LRP1B: variants seen among roughly 807,000 people sequenced by gnomAD.
LRP1B encodes LDL receptor related protein 1B.
Under a neutral mutation model 556.6 loss-of-function variants are expected in LRP1B, and 217 were observed. That is an observed-to-expected ratio of 0.39 (90% CI 0.35 to 0.44). The LOEUF (loss-of-function observed/expected upper bound fraction) is 0.44. LRP1B is among the 20% of genes least tolerant of loss of function. The probability of loss-of-function intolerance (pLI) is 1.00; values close to 1 mark genes in which losing one functional copy is unlikely to be tolerated. For synonymous variants in LRP1B, 2,047 were observed against 1,865.8 expected (o/e 1.10, Z -2.50); for missense variants, 5,053 against 5,620.8 (o/e 0.90, Z 3.23).
In LRP1B at chr2:140,430,038, G is replaced by A. The variant is rs184208666; in HGVS notation, c.10414+12466C>T. ...TACCACACCTGACCCCCATGACTGC[G>A]TCTCTCTGACACACCTGAAATTCAC... On this transcript the variant is annotated intron_variant, in intron 66 of 90. Coordinates refer to ENST00000389484, the MANE Select transcript of LRP1B (RefSeq NM_018557.3). Among the ~76,000 whole-genome samples, 856 of 152,062 alleles carry A rather than the reference G, an allele frequency of 5.6e-3. 8 individuals are homozygous for A. Among genetic ancestry groups the A allele is most frequent in the Middle Eastern group, 0.037 (11 of 294 alleles).
At chr2:140,995,238 A>G (rs901349518) in intron 15 of LRP1B, among the ~76,000 whole-genome samples, 17 of 152,072 alleles carry the variant, frequency 1.1e-4, no homozygotes, top group African/African-American at 3.6e-4. Context: ...TTGCAAAACA[A>G]CATGCAACAT....
intron 1 of LRP1B, among the ~76,000 whole-genome samples, chr2:142,040,835 T>C (rs766546553): frequency 1.5e-4 from 22 of 151,256 alleles, no homozygotes; most frequent in Non-Finnish European, 1.6e-4. Flanking sequence ...TCAAAATGGA[T>C]TGACTTGCAT....
intron 1 of LRP1B, among the ~76,000 whole-genome samples, chr2:141,822,138 G>C (rs1162367554): frequency 1.3e-5 from 2 of 149,410 alleles, no homozygotes; most frequent in East Asian, 2.0e-4. Context: ...CACAGAGAGA[G>C]AGAGAGAGAG....
intron 12 of LRP1B, among the ~76,000 whole-genome samples, chr2:141,017,833 A>C (rs1053027130): frequency 4.0e-5 from 6 of 151,494 alleles, no homozygotes; most frequent in African/African-American, 1.5e-4. Flanking sequence ...CATCTCTACA[A>C]AAAAAATACA....
chr2:142,084,529 C>G (rs984292350), intron 1 of LRP1B, among the ~76,000 whole-genome samples: 2 of 152,170 alleles, frequency 1.3e-5, no homozygotes, highest in Non-Finnish European at 2.9e-5. Flanking sequence ...TTCACACCCA[C>G]CTCTCCAACT....
chr2:141,649,427 A>G (rs1448687466), intron 2 of LRP1B, among the ~76,000 whole-genome samples: 1 of 152,204 alleles, frequency 6.6e-6, no homozygotes, highest in Non-Finnish European at 1.5e-5. Flanking sequence ...CATTTACCAT[A>G]CCTTATTATC....
chr2:140,849,092 C>T (rs1484082206), intron 29 of LRP1B, among the ~76,000 whole-genome samples: 1 of 150,852 alleles, frequency 6.6e-6, no homozygotes, highest in South Asian at 2.1e-4. Context: ...CATGGTGGCT[C>T]ACAGCTGTAA....
chr2:140,597,756 A>T (rs1016590930), intron 43 of LRP1B, among the ~76,000 whole-genome samples: 2 of 152,166 alleles, frequency 1.3e-5, no homozygotes, highest in Non-Finnish European at 2.9e-5. Context: ...ATTCATTTAT[A>T]TATTCTCTAT....
chr2:140,393,737 A>T (rs1202885960), intron 66 of LRP1B, among the ~76,000 whole-genome samples: 1 of 152,172 alleles, frequency 6.6e-6, no homozygotes, highest in Non-Finnish European at 1.5e-5. Context: ...AGCTTCAATC[A>T]TGGCAGCTCC....
chr2:142,027,673 A>AATAC (rs5834893), intron 1 of LRP1B, among the ~76,000 whole-genome samples: 1 of 146,756 alleles, frequency 6.8e-6, no homozygotes, highest in African/African-American at 2.5e-5. Context: ...AAAAGATTAA[A>AATAC]ACACACACAC....
chr2:141,663,963 T>C (rs1690325546), intron 2 of LRP1B, among the ~76,000 whole-genome samples: 1 of 150,070 alleles, frequency 6.7e-6, no homozygotes. Context: ...CAGGCTATTA[T>C]CCCTGATGAA....
intron 1 of LRP1B, among the ~76,000 whole-genome samples, chr2:141,961,207 A>G (rs1458245848): frequency 2.0e-5 from 3 of 151,624 alleles, no homozygotes; most frequent in African/African-American, 4.8e-5. Context: ...TTTCAGAGTC[A>G]TTGCAACAAA....
At chr2:140,845,255 G>A (rs1692240128) in intron 29 of LRP1B, among the ~76,000 whole-genome samples, 1 of 152,126 alleles carries the variant, frequency 6.6e-6, no homozygotes, top group South Asian at 2.1e-4. Flanking sequence ...AAGATTAGTA[G>A]CCATAAGAAA....
chr2:140,638,770 C>A (rs986942102), intron 41 of LRP1B, among the ~76,000 whole-genome samples: 4 of 151,272 alleles, frequency 2.6e-5, no homozygotes, highest in Non-Finnish European at 4.4e-5. Context: ...TACACACACA[C>A]ACATATATAT....
At chr2:141,299,095 A>G (rs1299591749) in intron 3 of LRP1B, among the ~76,000 whole-genome samples, 5 of 152,130 alleles carry the variant, frequency 3.3e-5, no homozygotes, top group Admixed American at 6.6e-5. Flanking sequence ...ACTTGCAGCT[A>G]GTGTCAGAAG....
At chr2:142,036,646 G>A (rs1032324483) in intron 1 of LRP1B, among the ~76,000 whole-genome samples, 1 of 151,440 alleles carries the variant, frequency 6.6e-6, no homozygotes, top group African/African-American at 2.4e-5. Context: ...TTTATACATT[G>A]CATTTTTTTG....
intron 20 of LRP1B, among the ~76,000 whole-genome samples, chr2:140,923,663 A>C (rs942160636): frequency 6.6e-6 from 1 of 152,094 alleles, no homozygotes; most frequent in Non-Finnish European, 1.5e-5. Context: ...AAAATTTGAG[A>C]AATAGATACA....
intron 2 of LRP1B, among the ~76,000 whole-genome samples, chr2:141,614,835 C>T (rs536039891): frequency 6.6e-6 from 1 of 152,168 alleles, no homozygotes; most frequent in African/African-American, 2.4e-5. Context: ...TGTTTTAAGC[C>T]ACCCAGTTTG....
At chr2:140,565,329 G>C (rs1428828471) in intron 43 of LRP1B, among the ~76,000 whole-genome samples, 1 of 151,614 alleles carries the variant, frequency 6.6e-6, no homozygotes, top group Non-Finnish European at 1.5e-5. Context: ...ATTGGCCACA[G>C]CATATTTTAA....
Sources: gnomAD v4.1 joint callset for allele counts (sites outside exome capture counted in the v4.1 genomes callset) on GRCh38, gnomAD v4.1.1 for gene constraint, MANE v1.5 for transcripts, NCBI Gene and HGNC (gene_info 2026-07-23, HGNC 2026-07-21) for gene names.